Variants in GRIN2B observed in about 807,000 individuals in gnomAD.
GRIN2B encodes the protein glutamate ionotropic receptor NMDA type subunit 2B, also known as glutamate receptor ionotropic, NMDA 2B.
Under a neutral mutation model 114.5 loss-of-function variants are expected in GRIN2B, and 5 were observed. The ratio of observed to expected loss-of-function variants is 0.04; its 90% CI spans 0.02 to 0.09. The LOEUF (loss-of-function observed/expected upper bound fraction) is 0.09. Ranked by LOEUF, GRIN2B falls within the 10% of genes least tolerant of loss-of-function variation. The probability of loss-of-function intolerance (pLI) is 1.00; values close to 1 mark genes in which losing one functional copy is unlikely to be tolerated. For synonymous variants in GRIN2B, 787 were observed against 745.1 expected, an observed-to-expected ratio of 1.06 and a Z score of -0.92; for missense variants, 1,108 against 1,943.5, an observed-to-expected ratio of 0.57 and a Z score of 8.08.
chr12:13,960,202 A>G (rs184538498), intron 2 of GRIN2B, among the ~76,000 whole-genome samples: 1 of 152,236 alleles, frequency 6.6e-6, no homozygotes, highest in Non-Finnish European at 1.5e-5. Flanking sequence ...CCCAGTAGAG[A>G]CCCATGGGTT....
At chr12:13,821,241 CAG>C (rs959291252) in intron 3 of GRIN2B, among the ~76,000 whole-genome samples, 4 of 152,146 alleles carry the variant, frequency 2.6e-5, no homozygotes, top group African/African-American at 4.8e-5. Context: ...ATTTCTTACA[CAG>C]AGTTTCTCTA....
intron 10 of GRIN2B, among the ~76,000 whole-genome samples, chr12:13,598,641 A>T (rs1225629230): frequency 1.3e-5 from 2 of 151,950 alleles, no homozygotes; most frequent in Non-Finnish European, 1.5e-5. Flanking sequence ...CACCACCCCA[A>T]AGTAGTTTTC....
intron 3 of GRIN2B, among the ~76,000 whole-genome samples, chr12:13,776,149 G>C (rs1304088027): frequency 6.6e-6 from 1 of 152,146 alleles, no homozygotes; most frequent in Non-Finnish European, 1.5e-5. Context: ...AGCTGGAAGT[G>C]GTTATCCTCA....
At position 13,776,434 on chromosome 12, in the gene GRIN2B, T is replaced by TA. The variant is rs367956694; in HGVS notation, c.412-22520dup. Among the ~76,000 whole-genome samples, 199 of 151,636 alleles carry TA rather than the reference T, an allele frequency of 1.3e-3. 5 individuals are homozygous for TA. The highest frequency in any genetic ancestry group is 4.2e-3 in the African/African-American group (174 of 41,028). On this transcript the variant is annotated intron_variant, in intron 3 of 13. Transcript: ENST00000609686. ...TGAACTTAAAATAAAAGTTAAATAA[T>TA]AAAAAAACTTCCCATTTTATAAATT...
At chr12:13,720,929 T>C (rs1400022099) in intron 4 of GRIN2B, among the ~76,000 whole-genome samples, 1 of 152,046 alleles carries the variant, frequency 6.6e-6, no homozygotes, top group Non-Finnish European at 1.5e-5. Context: ...TACTCATGTC[T>C]AAAGGGAGAG....
intron 2 of GRIN2B, among the ~76,000 whole-genome samples, chr12:13,953,473 A>G (rs999895726): frequency 6.6e-6 from 1 of 152,174 alleles, no homozygotes; most frequent in African/African-American, 2.4e-5. Flanking sequence ...TCTGTCCCCC[A>G]TCCCTTCTCT....
At chr12:13,675,630 T>C in intron 5 of GRIN2B, 115 bp downstream of exon 5, 1 of 750,874 alleles carries the variant, frequency 1.3e-6, no homozygotes, top group Non-Finnish European at 2.5e-6. Flanking sequence ...AAGGTATTGA[T>C]CCCTTGCTCC....
At chr12:13,643,775 C>T (rs1260599123) in intron 5 of GRIN2B, among the ~76,000 whole-genome samples, 1 of 152,160 alleles carries the variant, frequency 6.6e-6, no homozygotes, top group Non-Finnish European at 1.5e-5. Context: ...ATGGCATCTT[C>T]ATTAGGAATA....
rs910581008 is a variant in GRIN2B, at chr12:13,557,706, T to A, written c.*5077A>T. 3 of 152,166 alleles carry A rather than the reference T, an allele frequency of 2.0e-5. No homozygotes were observed. The highest frequency in any genetic ancestry group is 4.4e-5 in the Non-Finnish European group (3 of 68,028). The allele number at this position is 152,166 out of a possible 1,614,324, so 9.4% of individuals were successfully genotyped here. ...AAAGCAGGCGGAGGCCAAAATATGGTTTAAATGTCTTTGCCATCTAGAACC... is the reference window on the plus strand; with the variant it reads ...AAAGCAGGCGGAGGCCAAAATATGGATTAAATGTCTTTGCCATCTAGAACC... On this transcript the variant is annotated 3_prime_UTR_variant, in exon 14 of 14. Transcript: ENST00000609686.
intron 5 of GRIN2B, among the ~76,000 whole-genome samples, chr12:13,652,029 T>C (rs933498464): frequency 6.6e-6 from 1 of 152,054 alleles, no homozygotes; most frequent in Non-Finnish European, 1.5e-5. Flanking sequence ...AAAGAGTCAG[T>C]TCCCACTCTA....
chr12:13,727,493 T>C (rs2136600537), intron 4 of GRIN2B, among the ~76,000 whole-genome samples: 1 of 152,342 alleles, frequency 6.6e-6, no homozygotes, highest in Middle Eastern at 3.4e-3. Flanking sequence ...GTGATCCAAA[T>C]GCTAGCTCTT....
chr12:13,715,945 C>T (rs1950451560), intron 4 of GRIN2B, among the ~76,000 whole-genome samples: 1 of 151,850 alleles, frequency 6.6e-6, no homozygotes, highest in African/African-American at 2.4e-5. Context: ...TATGTTTCTT[C>T]CAGCATTTGC....
intron 2 of GRIN2B, among the ~76,000 whole-genome samples, chr12:13,916,340 C>T (rs1866720105): frequency 6.6e-6 from 1 of 152,174 alleles, no homozygotes; most frequent in South Asian, 2.1e-4. Flanking sequence ...AAATTATCAT[C>T]TTTGCCAAAC....
chr12:13,808,029 T>C (rs1412675356), intron 3 of GRIN2B, among the ~76,000 whole-genome samples: 2 of 152,146 alleles, frequency 1.3e-5, no homozygotes. Flanking sequence ...TAAATGCAAA[T>C]GTGTGGGACA....
Position 13,552,329 on chromosome 12 carries a change from C to T in GRIN2B, c.*10454G>A, listed in dbSNP as rs1012545706. The stretch of plus-strand genomic sequence containing the variant: ...TTCCTCACTCATCTCCGCTTTGGTC[C>T]TTGCTCTTTCAAGTTTCCCTACTTT... On this transcript the variant is annotated 3_prime_UTR_variant, in exon 14 of 14. Coordinates refer to ENST00000609686, the MANE Select transcript of GRIN2B (RefSeq NM_000834.5). The T allele has an allele frequency of 1.3e-5, 2 of 152,158 alleles. No homozygotes were observed. Among genetic ancestry groups the T allele is most frequent in the Non-Finnish European group, 2.9e-5 (2 of 68,042 alleles). The allele number at this position is 152,158 out of a possible 1,614,324, so 9.4% of individuals were successfully genotyped here. A position where few individuals can be genotyped will look rare whatever the true frequency, so the allele number is the denominator to read the frequency against.
chr12:13,795,377 A>G (rs548709092), intron 3 of GRIN2B, among the ~76,000 whole-genome samples: 1 of 151,548 alleles, frequency 6.6e-6, no homozygotes, highest in African/African-American at 2.4e-5. Context: ...GCAGTGGCGA[A>G]AAAAAAAAAC....
intron 3 of GRIN2B, among the ~76,000 whole-genome samples, chr12:13,833,058 C>T (rs74067112): frequency 6.6e-6 from 1 of 152,128 alleles, no homozygotes; most frequent in Non-Finnish European, 1.5e-5. Flanking sequence ...GGATGATATA[C>T]AAATGTTCAT....
At chr12:13,699,032 C>T (rs779923703) in intron 4 of GRIN2B, among the ~76,000 whole-genome samples, 1 of 152,104 alleles carries the variant, frequency 6.6e-6, no homozygotes, top group Non-Finnish European at 1.5e-5. Context: ...GGTGACCATC[C>T]ATTGAAACAT....
At chr12:13,745,025 C>T (rs1394474185) in intron 4 of GRIN2B, among the ~76,000 whole-genome samples, 1 of 152,156 alleles carries the variant, frequency 6.6e-6, no homozygotes, top group Admixed American at 6.5e-5. Context: ...ACATGACCAC[C>T]TATGCATCCC....
Sources: gnomAD v4.1 joint callset for allele counts (sites outside exome capture counted in the v4.1 genomes callset) on GRCh38, gnomAD v4.1.1 for gene constraint, MANE v1.5 for transcripts, NCBI Gene and HGNC (gene_info 2026-07-23, HGNC 2026-07-21) for gene names.